PACS2: variants seen among roughly 807,000 people sequenced by gnomAD.
The protein encoded by PACS2 is phosphofurin acidic cluster sorting protein 2.
PACS2 carries 36 observed loss-of-function variants against 113.0 expected under a neutral mutation model. The ratio of observed to expected loss-of-function variants is 0.32; its 90% CI spans 0.24 to 0.42. PACS2 has a LOEUF of 0.42. PACS2 is among the 10% of genes least tolerant of loss of function. The probability of loss-of-function intolerance (pLI) is 1.00; values close to 1 mark genes in which losing one functional copy is unlikely to be tolerated. For missense variants in PACS2, 1,015 were observed against 1,239.5 expected, an observed-to-expected ratio of 0.82 and a Z score of 2.72; for synonymous variants, 589 against 536.1, an observed-to-expected ratio of 1.10 and a Z score of -1.36.
At chr14:105,361,511 C>T (rs1244259710) in intron 4 of PACS2, among the ~76,000 whole-genome samples, 2 of 152,072 alleles carry the variant, frequency 1.3e-5, no homozygotes, top group African/African-American at 4.8e-5. Context: ...GTAGAGGACA[C>T]CTGTAATTCC....
chr14:105,309,804 T>A (rs906237014), upstream of PACS2, among the ~76,000 whole-genome samples: 18 of 135,146 alleles, frequency 1.3e-4, no homozygotes, highest in East Asian at 3.0e-3. This position sits in a 1 kb window ranked among gnomAD's most constrained non-coding sequence, Gnocchi z 4.0. Context: ...TTTTTTTTTT[T>A]AGACGGAGTC....
upstream of PACS2, among the ~76,000 whole-genome samples, chr14:105,312,663 G>A (rs1663120323): frequency 6.6e-6 from 1 of 152,226 alleles, no homozygotes; most frequent in African/African-American, 2.4e-5. Context: ...GACCAGCACA[G>A]CATCATTTTC....
In PACS2 at chr14:105,358,939, G is replaced by A. The variant is rs1025360505; in HGVS notation, c.423+3762G>A. 1.3e-5 allele frequency among the ~76,000 whole-genome samples: 2 copies of A among 152,216 alleles called. No individual in the cohort carries two copies. The highest frequency in any genetic ancestry group is 4.8e-5 in the African/African-American group (2 of 41,442). On this transcript the variant is annotated intron_variant, in intron 4 of 24. Coordinates refer to ENST00000447393, the MANE Select transcript of PACS2 (RefSeq NM_001100913.3). This position sits in a 1 kb window ranked among gnomAD's most constrained non-coding sequence, Gnocchi z 4.9. The stretch of plus-strand genomic sequence containing the variant: ...AGTCAGGTGTGGGCTGCATATCAAT[G>A]GGTGGCCCCGTGAGAATATGATGGC...
intron 19 of PACS2, among the ~76,000 whole-genome samples, chr14:105,388,319 C>T (rs55838625): frequency 9.5e-4 from 144 of 152,326 alleles, no homozygotes; most frequent in African/African-American, 2.6e-3. Context: ...TGGGACCAGC[C>T]GCAGAGGCTG....
In PACS2 at chr14:105,376,131, C is replaced by A. The variant is rs73361050; in HGVS notation, c.802-637C>A. ...TATCATGAGAACAGCGTGGAGGAAACCACCCCCAGGATCCAGTTACCTCCA... is the reference window on the plus strand; with the variant it reads ...TATCATGAGAACAGCGTGGAGGAAAACACCCCCAGGATCCAGTTACCTCCA... On this transcript the variant is annotated intron_variant, in intron 8 of 24. Transcript: ENST00000447393. The surrounding 1 kb of genome is among the most constrained non-coding windows in gnomAD (Gnocchi z 4.7). 1.4e-4 allele frequency among the ~76,000 whole-genome samples: 21 copies of A among 152,168 alleles called. No homozygotes were observed. The highest frequency in any genetic ancestry group is 5.1e-4 in the African/African-American group (21 of 41,512).
At position 105,324,999 on chromosome 14, in the gene PACS2, C is replaced by G. The variant is rs1415762633; in HGVS notation, c.119+9962C>G. On this transcript the variant is annotated intron_variant, in intron 1 of 24. Coordinates refer to ENST00000447393, the MANE Select transcript of PACS2 (RefSeq NM_001100913.3). This position sits in a 1 kb window ranked among gnomAD's most constrained non-coding sequence, Gnocchi z 4.7. Reference sequence around the variant, plus strand: ...TGGGGCTGAGCAACCCGCTCTGGGCCTGGCTGTTCCGCTCCACTGCCCCAA... The same window carrying G: ...TGGGGCTGAGCAACCCGCTCTGGGCGTGGCTGTTCCGCTCCACTGCCCCAA... Among the ~76,000 whole-genome samples, 1 of 152,112 alleles carries G rather than the reference C, an allele frequency of 6.6e-6. No homozygotes were observed. The highest frequency in any genetic ancestry group is 2.4e-5 in the African/African-American group (1 of 41,406).
intron 1 of PACS2, among the ~76,000 whole-genome samples, chr14:105,318,759 C>T (rs1196825702): frequency 6.7e-6 from 1 of 149,892 alleles, no homozygotes; most frequent in Non-Finnish European, 1.5e-5. Flanking sequence ...CCTGGGTTCA[C>T]ACCATTCTCC....
chr14:105,306,525 G>C (rs587764542), intron 1 of PACS2, among the ~76,000 whole-genome samples: 1 of 152,006 alleles, frequency 6.6e-6, no homozygotes, highest in Non-Finnish European at 1.5e-5. Flanking sequence ...GGATGGCCTC[G>C]ATCTCCTGAC....
At chr14:105,328,202 G>A (rs1858117898) in intron 1 of PACS2, among the ~76,000 whole-genome samples, 1 of 152,220 alleles carries the variant, frequency 6.6e-6, no homozygotes, top group Non-Finnish European at 1.5e-5. Flanking sequence ...GTTCTTAAAG[G>A]ACACATGGCT....
At chr14:105,318,816 G>A (rs1003581286) in intron 1 of PACS2, among the ~76,000 whole-genome samples, 25 of 151,556 alleles carry the variant, frequency 1.6e-4, no homozygotes, top group African/African-American at 5.3e-4. Flanking sequence ...CCGCCACCAC[G>A]CCCGGCTAAT....
At chr14:105,362,235 A>ATGTG (rs1566940742) in intron 4 of PACS2, among the ~76,000 whole-genome samples, 3 of 151,316 alleles carry the variant, frequency 2.0e-5, no homozygotes, top group South Asian at 2.1e-4. Context: ...TGGCTAACAC[A>ATGTG]GTGAAACACC....
intron 1 of PACS2, chr14:105,336,709 A>C (rs1159003928): frequency 6.6e-6 from 1 of 152,362 alleles, no homozygotes; most frequent in East Asian, 1.9e-4. Flanking sequence ...GTGGGAGGCC[A>C]CTGTGGGGAG....
intron 24 of PACS2, 113 bp downstream of exon 24, chr14:105,393,448 C>G: frequency 1.6e-6 from 1 of 636,950 alleles, no homozygotes; most frequent in South Asian, 2.0e-5. Flanking sequence ...CACGCACATT[C>G]CACGATTCAA....
intron 9 of PACS2, among the ~76,000 whole-genome samples, chr14:105,377,653 G>A (rs1026251954): frequency 2.0e-5 from 3 of 152,146 alleles, no homozygotes; most frequent in African/African-American, 4.8e-5. Context: ...TTGGAGGCGC[G>A]GCCCCAGTTA....
chr14:105,339,514 A>T (rs2059645975), intron 1 of PACS2, among the ~76,000 whole-genome samples: 2 of 149,984 alleles, frequency 1.3e-5, no homozygotes, highest in Non-Finnish European at 3.0e-5. Context: ...CTCTATAAAA[A>T]AAAAAAAAAA....
In PACS2 at chr14:105,324,786, G is replaced by A. The variant is rs1359643739; in HGVS notation, c.119+9749G>A. ...AGGGAGCACTGGCTACTGCTGGGCTGCTCTCAGGCCCGGGACATTCATGGC... is the reference window on the plus strand; with the variant it reads ...AGGGAGCACTGGCTACTGCTGGGCTACTCTCAGGCCCGGGACATTCATGGC... On this transcript the variant is annotated intron_variant, in intron 1 of 24. Transcript: ENST00000447393. This position sits in a 1 kb window ranked among gnomAD's most constrained non-coding sequence, Gnocchi z 4.7. Among the ~76,000 whole-genome samples, 3 of 152,196 alleles carry A rather than the reference G, an allele frequency of 2.0e-5. No individual in the cohort carries two copies. The highest frequency in any genetic ancestry group is 4.4e-5 in the Non-Finnish European group (3 of 68,014).
rs2060376365 is a variant in PACS2, at chr14:105,354,938, A to C, written c.298-114A>C. Reference sequence around the variant, plus strand: ...CGTCTGTGGGTGCCCTTCCGATCTCATGGGCAGCAGGTTGGCCTGGTCGCA... The same window carrying C: ...CGTCTGTGGGTGCCCTTCCGATCTCCTGGGCAGCAGGTTGGCCTGGTCGCA... On this transcript the variant is annotated intron_variant, in intron 3 of 24. Transcript: ENST00000447393. The surrounding 1 kb of genome is among the most constrained non-coding windows in gnomAD (Gnocchi z 4.2). 1 of 1,058,430 alleles carries C rather than the reference A, an allele frequency of 9.4e-7. No individual in the cohort carries two copies. The highest frequency in any genetic ancestry group is 1.4e-6 in the Non-Finnish European group (1 of 727,050). 65.6% of individuals were successfully genotyped at this position (1,058,430 alleles called of 1,614,324 possible).
intron 1 of PACS2, among the ~76,000 whole-genome samples, chr14:105,326,015 A>G (rs1036547979): frequency 3.9e-5 from 6 of 152,208 alleles, no homozygotes; most frequent in African/African-American, 1.4e-4. Flanking sequence ...CTCATTTCCC[A>G]GTGTAATTCT....
Position 105,354,180 on chromosome 14 carries a change from AGAG to A in PACS2, c.298-871_298-869del. 2.0e-5 allele frequency among the ~76,000 whole-genome samples: 3 copies of A among 152,114 alleles called. No individual in the cohort carries two copies. The highest frequency in any genetic ancestry group is 7.2e-5 in the African/African-American group (3 of 41,428). On this transcript the variant is annotated intron_variant, in intron 3 of 24. Coordinates refer to ENST00000447393, the MANE Select transcript of PACS2 (RefSeq NM_001100913.3). This position sits in a 1 kb window ranked among gnomAD's most constrained non-coding sequence, Gnocchi z 4.2. ...CTATTTAAAAAGATAGGGGAAACTC[AGAG>A]TTCACAAGCAATCCCAGCTCTTCGG...
Sources: allele counts gnomAD v4.1 joint callset (sites outside exome capture counted in the v4.1 genomes callset), GRCh38; gene constraint gnomAD v4.1.1; non-coding constraint Gnocchi (gnomAD v3.1); transcripts MANE v1.5; gene names NCBI Gene and HGNC (gene_info 2026-07-23, HGNC 2026-07-21).